Variants in OLA1 observed in about 807,000 individuals in gnomAD.
The protein encoded by OLA1 is Obg like ATPase 1.
Under a neutral mutation model 48.4 loss-of-function variants are expected in OLA1, and 14 were observed. That is an observed-to-expected ratio of 0.29 (90% CI 0.19 to 0.45). The LOEUF is 0.45. Ranked by LOEUF, OLA1 falls within the 20% of genes least tolerant of loss-of-function variation. The pLI is 1.00. For missense variants in OLA1, 325 were observed against 467.1 expected (o/e 0.70, Z 2.80); for synonymous variants, 127 against 150.4 (o/e 0.84, Z 1.14).
intron 4 of OLA1, among the ~76,000 whole-genome samples, chr2:174,170,120 C>A (rs1471281586): frequency 1.3e-5 from 2 of 152,138 alleles, no homozygotes; most frequent in East Asian, 3.8e-4. Flanking sequence ...GTAGTCCCAG[C>A]TACTCCAGAG....
chr2:174,204,316 G>A (rs1688062432), intron 4 of OLA1, among the ~76,000 whole-genome samples: 1 of 152,000 alleles, frequency 6.6e-6, no homozygotes, highest in African/African-American at 2.4e-5. Flanking sequence ...CAGGAGAATG[G>A]CATGAACCCA....
At chr2:174,218,593 C>T (rs1178291681) in intron 4 of OLA1, among the ~76,000 whole-genome samples, 1 of 152,180 alleles carries the variant, frequency 6.6e-6, no homozygotes, top group Non-Finnish European at 1.5e-5. Context: ...AACTCCAGAT[C>T]TGCACATATT....
intron 7 of OLA1, among the ~76,000 whole-genome samples, chr2:174,085,069 C>T (rs1028400273): frequency 6.6e-6 from 1 of 152,196 alleles, no homozygotes; most frequent in African/African-American, 2.4e-5. Flanking sequence ...CAAAGACACA[C>T]TTGATTTCCT....
At chr2:174,117,107 A>T (rs1685802607) in intron 7 of OLA1, among the ~76,000 whole-genome samples, 1 of 152,142 alleles carries the variant, frequency 6.6e-6, no homozygotes, top group Admixed American at 6.6e-5. Flanking sequence ...ATATCATGGG[A>T]GTCTCACTGT....
At chr2:174,183,868 G>A (rs1400943191) in intron 4 of OLA1, among the ~76,000 whole-genome samples, 1 of 152,110 alleles carries the variant, frequency 6.6e-6, no homozygotes, top group African/African-American at 2.4e-5. Context: ...GAAATGTTCA[G>A]GTCTCTAGAG....
chr2:174,163,494 C>T (rs1687061591), intron 4 of OLA1, among the ~76,000 whole-genome samples: 1 of 151,484 alleles, frequency 6.6e-6, no homozygotes, highest in African/African-American at 2.4e-5. Context: ...TAGAGACCAG[C>T]CTGGCCAACA....
chr2:174,223,741 T>C lies in OLA1; in HGVS notation c.246-581A>G, dbSNP rs543572035. Among the ~76,000 whole-genome samples the C allele has an allele frequency of 1.3e-4, 18 of 141,302 alleles. No individual in the cohort carries two copies. The South Asian group carries it at 4.2e-3, about 33-fold the overall frequency. The allele number at this position is 141,302 out of a possible 152,430, so 92.7% of individuals were successfully genotyped here. A position where few individuals can be genotyped will look rare whatever the true frequency, so the allele number is the denominator to read the frequency against. ...AAACACAGGCTGTCTGGGTTTGCAT[T>C]TGATCACCCACATGTTATATAGACA... On this transcript the variant is annotated intron_variant, in intron 3 of 10. Coordinates refer to ENST00000284719, the MANE Select transcript of OLA1 (RefSeq NM_013341.5).
At chr2:174,113,638 C>T (rs1381687542) in intron 7 of OLA1, among the ~76,000 whole-genome samples, 2 of 152,074 alleles carry the variant, frequency 1.3e-5, no homozygotes, top group Non-Finnish European at 2.9e-5. Flanking sequence ...TAACTAAAAT[C>T]CTAATTTAGT....
intron 4 of OLA1, among the ~76,000 whole-genome samples, chr2:174,151,367 T>TA (rs1438654046): frequency 6.6e-6 from 1 of 152,156 alleles, no homozygotes; most frequent in East Asian, 1.9e-4. Flanking sequence ...ATAAAATTAT[T>TA]ACACAAATAT....
intron 7 of OLA1, among the ~76,000 whole-genome samples, chr2:174,119,956 A>ACACAC (rs1558962842): frequency 6.7e-6 from 1 of 149,436 alleles, no homozygotes; most frequent in African/African-American, 2.5e-5. Context: ...CACACACACA[A>ACACAC]ACACACACAC....
chr2:174,111,982 T>C (rs1214387781), intron 7 of OLA1, among the ~76,000 whole-genome samples: 1 of 152,202 alleles, frequency 6.6e-6, no homozygotes. Context: ...CAATTAAAGA[T>C]ACAATTTTAG....
intron 3 of OLA1, among the ~76,000 whole-genome samples, chr2:174,228,895 T>C (rs1212938660): frequency 6.6e-6 from 1 of 152,238 alleles, no homozygotes; most frequent in East Asian, 1.9e-4. Flanking sequence ...TTTTTCTTTT[T>C]GAGACGGAGT....
chr2:174,190,881 C>T (rs1385749244), intron 4 of OLA1, among the ~76,000 whole-genome samples: 1 of 131,126 alleles, frequency 7.6e-6, no homozygotes, highest in Non-Finnish European at 1.5e-5. Flanking sequence ...GGAGGCAGAG[C>T]TTGCAGTGAG....
chr2:174,245,152 CATAA>C (rs1309108618), intron 2 of OLA1, among the ~76,000 whole-genome samples: 1 of 152,188 alleles, frequency 6.6e-6, no homozygotes, highest in Admixed American at 6.5e-5. Context: ...AAGCTCACAA[CATAA>C]ATAATGATCA....
chr2:174,079,119 A>G, intron 9 of OLA1, 29 bp from the exon 10 acceptor site: 1 of 1,568,046 alleles, frequency 6.4e-7, no homozygotes, highest in Non-Finnish European at 8.6e-7. Context: ...GAGAAAACTA[A>G]TTGCATTTAA....
chr2:174,141,223 C>T (rs1198282830), intron 5 of OLA1, among the ~76,000 whole-genome samples: 7 of 152,252 alleles, frequency 4.6e-5, no homozygotes, highest in South Asian at 2.1e-4. Flanking sequence ...TGAGCCACCA[C>T]GCCTGGCCAG....
At chr2:174,239,714 CA>C (rs35332033) in intron 2 of OLA1, among the ~76,000 whole-genome samples, 11,938 of 60,590 alleles carry the variant, frequency 0.2, 384 homozygotes, top group East Asian at 0.4. Flanking sequence ...CCCATCTCTA[CA>C]AAAAAAAAAA....
intron 2 of OLA1, among the ~76,000 whole-genome samples, chr2:174,235,784 TA>T (rs1485574045): frequency 3.3e-5 from 5 of 152,186 alleles, no homozygotes; most frequent in Non-Finnish European, 7.3e-5. Context: ...CGCAGCTAAG[TA>T]ATGATTTGCG....
chr2:174,097,738 A>G lies in OLA1; in HGVS notation c.729-15674T>C, dbSNP rs546935067. Among the ~76,000 whole-genome samples, 24 of 152,264 alleles carry G rather than the reference A, an allele frequency of 1.6e-4. No homozygotes were observed. The South Asian group carries it at 5.0e-3, about 32-fold the overall frequency. On this transcript the variant is annotated intron_variant, in intron 7 of 10. Transcript: ENST00000284719. ...AGACTGTCTCAAAAAAAGAAAAAAA[A>G]AAAAAGAAAGTAAGACACTTGCAAG...
Sources: gnomAD v4.1 joint callset for allele counts (sites outside exome capture counted in the v4.1 genomes callset) on GRCh38, gnomAD v4.1.1 for gene constraint, MANE v1.5 for transcripts, NCBI Gene and HGNC (gene_info 2026-07-23, HGNC 2026-07-21) for gene names.